Variants in MED13L observed in about 807,000 individuals in gnomAD.
The protein encoded by MED13L is mediator of RNA polymerase II transcription subunit 13-like.
Under a neutral mutation model 220.9 loss-of-function variants are expected in MED13L, and 7 were observed. The observed-to-expected ratio is 0.03, with a 90% CI of 0.02 to 0.06. MED13L has a LOEUF of 0.06. Ranked by LOEUF, MED13L falls within the 10% of genes least tolerant of loss-of-function variation. The pLI is 1.00. For synonymous variants in MED13L, 1,011 were observed against 1,015.2 expected (o/e 1.00, Z 0.08); for missense variants, 1,965 against 2,760.5 (o/e 0.71, Z 6.46).
chr12:116,125,374 C>T (rs1481414034), intron 2 of MED13L, among the ~76,000 whole-genome samples: 3 of 152,132 alleles, frequency 2.0e-5, no homozygotes, highest in East Asian at 3.8e-4. Flanking sequence ...CAGCAAAATG[C>T]TTTAATAATT....
chr12:115,990,272 C>T (rs1877969651), intron 17 of MED13L, among the ~76,000 whole-genome samples: 1 of 152,180 alleles, frequency 6.6e-6, no homozygotes, highest in Non-Finnish European at 1.5e-5. Context: ...GCCTAGAGTG[C>T]CCCGTCTATC....
chr12:116,064,486 T>C lies in MED13L; in HGVS notation c.479+32183A>G, dbSNP rs182781302. 1.9e-4 allele frequency among the ~76,000 whole-genome samples: 29 copies of C among 152,230 alleles called. No individual in the cohort carries two copies. The East Asian group carries it at 1.9e-3, about 10-fold the overall frequency. On this transcript the variant is annotated intron_variant, in intron 4 of 30. Coordinates refer to ENST00000281928, the MANE Select transcript of MED13L (RefSeq NM_015335.5). ...TTCTTATGAAAAGAGGTCAATTTGA[T>C]TAAGTTTCTCTGTTCCTAAAAAATT...
chr12:116,167,547 G>A (rs1185587998), intron 2 of MED13L, among the ~76,000 whole-genome samples: 1 of 152,090 alleles, frequency 6.6e-6, no homozygotes, highest in Non-Finnish European at 1.5e-5. Context: ...TCACTTACAA[G>A]TATTTATTTT....
Position 115,965,902 on chromosome 12 carries a change from TC to T in MED13L, c.6387+179del, listed in dbSNP as rs1284418229. ...TTCTTTGTGACATGGTTTTGGGTCC[TC>T]CTAAATTCTACTCTCCACCTACAAC... On this transcript the variant is annotated intron_variant, in intron 29 of 30. Coordinates refer to ENST00000281928, the MANE Select transcript of MED13L (RefSeq NM_015335.5). Among the ~76,000 whole-genome samples, 4 of 152,284 alleles carry T rather than the reference TC, an allele frequency of 2.6e-5. No individual in the cohort carries two copies. The East Asian group carries it at 7.7e-4, about 29-fold the overall frequency.
chr12:116,197,306 T>A (rs564645942), intron 2 of MED13L, among the ~76,000 whole-genome samples: 1 of 152,170 alleles, frequency 6.6e-6, no homozygotes, highest in Non-Finnish European at 1.5e-5. Context: ...CTTTCTTTAG[T>A]TATCTGTACA....
At chr12:116,250,635 G>C (rs1471898249) in intron 1 of MED13L, among the ~76,000 whole-genome samples, 2 of 150,522 alleles carry the variant, frequency 1.3e-5, no homozygotes, top group Admixed American at 1.3e-4. Context: ...AAATTAGCCG[G>C]GAGTGGTGGC....
intron 4 of MED13L, among the ~76,000 whole-genome samples, chr12:116,079,683 C>T (rs1466079335): frequency 7.9e-5 from 12 of 151,982 alleles, no homozygotes; most frequent in African/African-American, 2.7e-4. Flanking sequence ...GGACTACAAG[C>T]GTGTACCACC....
chr12:116,107,061 G>C (rs1476896292), intron 3 of MED13L, among the ~76,000 whole-genome samples: 5 of 152,120 alleles, frequency 3.3e-5, no homozygotes, highest in Admixed American at 1.3e-4. Context: ...CCATGTTACT[G>C]GTGAAGGAAC....
At chr12:116,127,637 A>G (rs1420775018) in intron 2 of MED13L, among the ~76,000 whole-genome samples, 1 of 152,194 alleles carries the variant, frequency 6.6e-6, no homozygotes, top group East Asian at 1.9e-4. Flanking sequence ...TGGACAGAAG[A>G]TATACTAACA....
chr12:116,041,512 T>C (rs1419630389), intron 4 of MED13L, among the ~76,000 whole-genome samples: 1 of 152,228 alleles, frequency 6.6e-6, no homozygotes, highest in Non-Finnish European at 1.5e-5. Context: ...TTCTGTTTAA[T>C]TCTGAATACC....
chr12:116,262,796 C>G (rs1252369826), intron 1 of MED13L, among the ~76,000 whole-genome samples: 2 of 152,256 alleles, frequency 1.3e-5, no homozygotes, highest in Middle Eastern at 3.4e-3. Context: ...CTTGCAGATT[C>G]AAGAATAGCA....
chr12:116,135,519 C>G (rs1876462355), intron 2 of MED13L, among the ~76,000 whole-genome samples: 2 of 152,210 alleles, frequency 1.3e-5, no homozygotes, highest in African/African-American at 4.8e-5. Flanking sequence ...CTATTATGCC[C>G]TTTCCAAATT....
intron 3 of MED13L, among the ~76,000 whole-genome samples, chr12:116,098,106 C>T (rs1342398870): frequency 2.6e-5 from 4 of 151,896 alleles, no homozygotes; most frequent in Non-Finnish European, 1.5e-5. Flanking sequence ...ATTAGCTGGG[C>T]GTGGTGGTGC....
At chr12:116,075,070 G>A (rs1025334743) in intron 4 of MED13L, among the ~76,000 whole-genome samples, 5 of 152,178 alleles carry the variant, frequency 3.3e-5, no homozygotes, top group African/African-American at 1.2e-4. Context: ...TAACCCAGAG[G>A]CTAAAAAAAT....
intron 2 of MED13L, among the ~76,000 whole-genome samples, chr12:116,178,310 G>A (rs1880232951): frequency 1.3e-5 from 2 of 152,148 alleles, no homozygotes; most frequent in African/African-American, 4.8e-5. Context: ...TTGAAAATTT[G>A]CAGAAATCTG....
At chr12:116,225,044 G>T (rs556649530) in intron 2 of MED13L, among the ~76,000 whole-genome samples, 1 of 152,212 alleles carries the variant, frequency 6.6e-6, no homozygotes, top group African/African-American at 2.4e-5. Flanking sequence ...GCATCCTCTC[G>T]TACACCATTT....
intron 4 of MED13L, among the ~76,000 whole-genome samples, chr12:116,041,670 C>A (rs1483268912): frequency 6.6e-6 from 1 of 152,142 alleles, no homozygotes; most frequent in Non-Finnish European, 1.5e-5. Context: ...CGGTGAAACC[C>A]CGTCTCTACC....
chr12:116,191,432 G>A (rs1244194552), intron 2 of MED13L, among the ~76,000 whole-genome samples: 1 of 152,124 alleles, frequency 6.6e-6, no homozygotes, highest in East Asian at 2.0e-4. Context: ...CTGGGTTCAA[G>A]CAATTCTCCT....
At chr12:116,187,593 A>G (rs934268302) in intron 2 of MED13L, among the ~76,000 whole-genome samples, 2 of 152,194 alleles carry the variant, frequency 1.3e-5, no homozygotes, top group South Asian at 4.1e-4. Flanking sequence ...TTTCTCTAAC[A>G]TGCTTATTTT....
Sources: gnomAD v4.1 joint callset for allele counts (sites outside exome capture counted in the v4.1 genomes callset) on GRCh38, gnomAD v4.1.1 for gene constraint, MANE v1.5 for transcripts, NCBI Gene and HGNC (gene_info 2026-07-23, HGNC 2026-07-21) for gene names.